The following UNC79 variants were observed in gnomAD, a reference collection of about 807,000 sequenced individuals.
UNC79 encodes the protein unc-79 subunit of NALCN channel complex, also known as protein unc-79 homolog.
Under a neutral mutation model 283.1 loss-of-function variants are expected in UNC79, and 37 were observed. The observed-to-expected ratio is 0.13, with a 90% CI of 0.10 to 0.17. UNC79 has a LOEUF of 0.17. UNC79 is among the 10% of genes least tolerant of loss of function. UNC79 has a pLI of 1.00. For missense variants in UNC79, 2,272 were observed against 3,211.1 expected (o/e 0.71, Z 7.07); for synonymous variants, 1,107 against 1,200.2 (o/e 0.92, Z 1.61).
At chr14:93,504,784 T>C (rs572308883) in intron 7 of UNC79, among the ~76,000 whole-genome samples, 1 of 152,178 alleles carries the variant, frequency 6.6e-6, no homozygotes, top group African/African-American at 2.4e-5. Flanking sequence ...ATATGCACAA[T>C]TATATTATTG....
upstream of UNC79, among the ~76,000 whole-genome samples, chr14:93,429,481 G>C (rs1332488706): frequency 6.6e-6 from 1 of 152,186 alleles, no homozygotes; most frequent in Non-Finnish European, 1.5e-5. Context: ...ATCATTATGG[G>C]CAGTTTCCCT....
In UNC79 at chr14:93,533,050, CT is replaced by C. The variant is rs1197673480; in HGVS notation, c.1122+474del. ...TGAACAATACATGTAGCTAAAGATT[CT>C]TCCTTTAATATTTCCTTTAGTTTTT... On this transcript the variant is annotated intron_variant, in intron 11 of 48. Coordinates refer to ENST00000555664, the Ensembl canonical transcript of UNC79. Among the ~76,000 whole-genome samples the C allele has an allele frequency of 2.0e-5, 3 of 151,836 alleles. No homozygotes were observed. The East Asian group carries it at 5.8e-4, about 29-fold the overall frequency.
chr14:93,431,070 G>C lies in UNC79; in HGVS notation c.22+19G>C, dbSNP rs1280302224. On this transcript the variant is annotated intron_variant, in intron 1 of 48. Coordinates refer to ENST00000555664, the Ensembl canonical transcript of UNC79. ...GAGCAGTGTAAGTAGCAGCCGGCCC[G>C]GCATTCCGGCCCGGCCTCGGCTGGG... 1.4e-6 allele frequency: 1 copy of C among 700,682 alleles called. No homozygotes were observed. Among genetic ancestry groups the C allele is most frequent in the African/African-American group, 1.8e-5 (1 of 56,832 alleles). The allele number at this position is 700,682 out of a possible 1,614,324, so 43.4% of individuals were successfully genotyped here.
In UNC79 at chr14:93,437,823, T is replaced by C. The variant is rs117377157; in HGVS notation, c.22+6772T>C. Among the ~76,000 whole-genome samples, 450 of 152,250 alleles carry C rather than the reference T, an allele frequency of 3.0e-3. 1 individual carries two copies. The highest frequency in any genetic ancestry group is 4.1e-3 in the Non-Finnish European group (279 of 68,004). On this transcript the variant is annotated intron_variant, in intron 1 of 48. Coordinates refer to ENST00000555664, the Ensembl canonical transcript of UNC79. Reference sequence around the variant, plus strand: ...TCTCTGTATCCAAACCTCTCTCTCCTTCCTCTTATAAACACACGTCATTTG... The same window carrying C: ...TCTCTGTATCCAAACCTCTCTCTCCCTCCTCTTATAAACACACGTCATTTG...
intron 39 of UNC79, among the ~76,000 whole-genome samples, chr14:93,661,072 C>T (rs190575092): frequency 1.4e-4 from 22 of 152,136 alleles, no homozygotes; most frequent in African/African-American, 4.6e-4. Flanking sequence ...ATTTTCATAT[C>T]GATTAGAAAA....
At chr14:93,398,216 G>A (rs529471017) in intron 1 of UNC79, among the ~76,000 whole-genome samples, 5 of 152,150 alleles carry the variant, frequency 3.3e-5, no homozygotes, top group Admixed American at 6.5e-5. Flanking sequence ...TGTGCCACAA[G>A]GGTCTTGTGA....
chr14:93,668,808 C>T (rs1341878809), intron 40 of UNC79, among the ~76,000 whole-genome samples: 5 of 148,002 alleles, frequency 3.4e-5, no homozygotes, highest in African/African-American at 5.0e-5. Context: ...TGTACCACTG[C>T]ACTACAGCCT....
intron 11 of UNC79, among the ~76,000 whole-genome samples, chr14:93,534,065 C>A (rs2060950517): frequency 6.6e-6 from 1 of 152,146 alleles, no homozygotes; most frequent in African/African-American, 2.4e-5. Flanking sequence ...GAGACAGGGA[C>A]AGGATCATAG....
chr14:93,585,886 T>C (rs1258718220), intron 20 of UNC79, among the ~76,000 whole-genome samples: 4 of 150,726 alleles, frequency 2.7e-5, no homozygotes, highest in South Asian at 2.1e-4. Context: ...TCTCTCTCTT[T>C]TTTTTTTTTT....
At chr14:93,591,746 G>T (rs548929955) in intron 22 of UNC79, among the ~76,000 whole-genome samples, 2 of 152,186 alleles carry the variant, frequency 1.3e-5, no homozygotes, top group African/African-American at 2.4e-5. Context: ...GTGGCACTTC[G>T]TATGGGACCC....
intron 11 of UNC79, among the ~76,000 whole-genome samples, chr14:93,535,749 C>G (rs1358949421): frequency 6.6e-6 from 1 of 152,150 alleles, no homozygotes; most frequent in South Asian, 2.1e-4. Context: ...TGGCAGAGAT[C>G]TGGGAGGAGT....
chr14:93,422,980 G>A (rs151082335), intron 1 of UNC79, among the ~76,000 whole-genome samples: 2,001 of 148,470 alleles, frequency 0.013, 55 homozygotes, highest in African/African-American at 0.048. Flanking sequence ...GGAGAATGGC[G>A]TGCACCTGGG....
intron 48 of UNC79, among the ~76,000 whole-genome samples, chr14:93,705,813 G>T (rs1369787952): frequency 6.6e-6 from 1 of 152,190 alleles, no homozygotes; most frequent in East Asian, 1.9e-4. Flanking sequence ...TTTTTGCTGG[G>T]TTTCTTCTCC....
At chr14:93,358,821 A>T (rs1314245609) in intron 1 of UNC79, among the ~76,000 whole-genome samples, 1 of 152,142 alleles carries the variant, frequency 6.6e-6, no homozygotes, top group African/African-American at 2.4e-5. Context: ...GTCAGTTGCC[A>T]GGCAAGATAA....
At chr14:93,571,281 T>C (rs929345039) in intron 14 of UNC79, among the ~76,000 whole-genome samples, 8 of 152,246 alleles carry the variant, frequency 5.3e-5, no homozygotes, top group African/African-American at 7.2e-5. Flanking sequence ...GTTTGTAAAT[T>C]CGTGATTTTA....
chr14:93,364,228 A>G (rs1178908604), intron 1 of UNC79, among the ~76,000 whole-genome samples: 1 of 152,266 alleles, frequency 6.6e-6, no homozygotes, highest in East Asian at 1.9e-4. Flanking sequence ...CCAAGACCCA[A>G]AAAGACCTTC....
chr14:93,520,257 G>A (rs139647684), intron 7 of UNC79, among the ~76,000 whole-genome samples: 25 of 151,900 alleles, frequency 1.6e-4, no homozygotes, highest in Admixed American at 1.2e-3. Context: ...TGTTTCTGAC[G>A]AGAAATCAGC....
chr14:93,532,702 G>A (rs117684630), intron 11 of UNC79, 124 bp downstream of exon 11: 22,690 of 1,151,480 alleles, frequency 0.02, 263 homozygotes, highest in Middle Eastern at 0.045. Flanking sequence ...TGTATTTGTG[G>A]AGGGGTAAAG....
chr14:93,456,266 G>C (rs574916007), intron 1 of UNC79, among the ~76,000 whole-genome samples: 1 of 152,140 alleles, frequency 6.6e-6, no homozygotes, highest in South Asian at 2.1e-4. Context: ...TGTTAATGTT[G>C]AGTATGATAA....
Sources: allele counts gnomAD v4.1 joint callset (sites outside exome capture counted in the v4.1 genomes callset), GRCh38; gene constraint gnomAD v4.1.1; transcripts MANE v1.5; gene names NCBI Gene and HGNC (gene_info 2026-07-23, HGNC 2026-07-21).